FGF14: variants seen among roughly 807,000 people sequenced by gnomAD.
The protein encoded by FGF14 is fibroblast growth factor homologous factor 4.
A neutral mutation model predicts 25.5 loss-of-function variants in FGF14; 5 were observed. The observed-to-expected ratio is 0.20, with a 90% CI of 0.10 to 0.41. The LOEUF (loss-of-function observed/expected upper bound fraction) is 0.41, where lower values mean the gene tolerates loss of function less well. Ranked by LOEUF, FGF14 falls within the 10% of genes least tolerant of loss-of-function variation. The probability of loss-of-function intolerance (pLI) is 1.00; values close to 1 mark genes in which losing one functional copy is unlikely to be tolerated. For missense variants in FGF14, 222 were observed against 320.1 expected (o/e 0.69, Z 2.34); for synonymous variants, 138 against 118.3 (o/e 1.17, Z -1.08).
intron 1 of FGF14, among the ~76,000 whole-genome samples, chr13:102,054,934 C>T (rs1024712258): frequency 2.0e-5 from 3 of 152,196 alleles, no homozygotes; most frequent in Non-Finnish European, 4.4e-5. Context: ...ACAGCCATGC[C>T]TTCATTTCTG....
At chr13:102,252,421 T>C (rs2052224935) in intron 1 of FGF14, among the ~76,000 whole-genome samples, 1 of 152,144 alleles carries the variant, frequency 6.6e-6, no homozygotes, top group Non-Finnish European at 1.5e-5. Context: ...TTTCATGAAA[T>C]ATAGCCGTAC....
chr13:102,229,857 T>G (rs1453563471), intron 1 of FGF14, among the ~76,000 whole-genome samples: 2 of 152,132 alleles, frequency 1.3e-5, no homozygotes, highest in Admixed American at 6.6e-5. Flanking sequence ...AGATCAGAGG[T>G]GAACTTAGGG....
chr13:102,334,007 G>A (rs1011741008), intron 1 of FGF14, among the ~76,000 whole-genome samples: 1 of 152,144 alleles, frequency 6.6e-6, no homozygotes, highest in Non-Finnish European at 1.5e-5. Flanking sequence ...GGCATGCCTG[G>A]TAGTCATGGG....
chr13:101,742,951 G>A (rs1209802017), intron 3 of FGF14, among the ~76,000 whole-genome samples: 1 of 152,126 alleles, frequency 6.6e-6, no homozygotes, highest in Non-Finnish European at 1.5e-5. Flanking sequence ...GACTATTTCT[G>A]TAAATTGTGC....
At chr13:101,828,365 C>T (rs544415460) in intron 3 of FGF14, among the ~76,000 whole-genome samples, 1 of 152,066 alleles carries the variant, frequency 6.6e-6, no homozygotes, top group South Asian at 2.1e-4. Context: ...CTCCAAGTCA[C>T]TTAAAATGAA....
intron 1 of FGF14, among the ~76,000 whole-genome samples, chr13:102,356,928 C>CATATATATATATATAT (rs3066054): frequency 1.3e-4 from 19 of 142,012 alleles, no homozygotes; most frequent in African/African-American, 4.9e-4. Flanking sequence ...CTATAAAATG[C>CATATATATATATATAT]ATATATATAT....
At chr13:102,060,337 A>G (rs1434532065) in intron 1 of FGF14, among the ~76,000 whole-genome samples, 1 of 152,062 alleles carries the variant, frequency 6.6e-6, no homozygotes, top group Non-Finnish European at 1.5e-5. Flanking sequence ...CATCCTGGCT[A>G]ACACAGTGAA....
intron 1 of FGF14, among the ~76,000 whole-genome samples, chr13:102,217,395 C>G (rs778607239): frequency 6.6e-6 from 1 of 152,128 alleles, no homozygotes; most frequent in Non-Finnish European, 1.5e-5. Context: ...CATTTCTGTT[C>G]TAAAGAAAAC....
chr13:102,348,669 T>C (rs1472610998), intron 1 of FGF14, among the ~76,000 whole-genome samples: 2 of 152,150 alleles, frequency 1.3e-5, no homozygotes, highest in East Asian at 3.9e-4. Flanking sequence ...CAGCATCACC[T>C]AGAAACCACA....
rs186647335 is a variant in FGF14 at position 102,015,064 on chromosome 13, C to T, written c.209-139768G>A. 1.9e-3 allele frequency among the ~76,000 whole-genome samples: 292 copies of T among 152,270 alleles called. 1 individual carries two copies. The highest frequency in any genetic ancestry group is 7.7e-3 in the South Asian group (37 of 4,828). On this transcript the variant is annotated intron_variant, in intron 1 of 4. Transcript: ENST00000376131. ...CTGGGATTACAGGCCTGTGCCACAA[C>T]GCCTGGCTAATTTTTGTATTCTTAG...
At chr13:102,176,868 T>TG (rs397712332) in intron 1 of FGF14, among the ~76,000 whole-genome samples, 5 of 144,184 alleles carry the variant, frequency 3.5e-5, no homozygotes, top group Admixed American at 2.8e-4. Flanking sequence ...GTGGTTTTTT[T>TG]GTATGTCAAT....
intron 1 of FGF14, among the ~76,000 whole-genome samples, chr13:102,106,688 T>G (rs558828400): frequency 1.3e-5 from 2 of 152,204 alleles, no homozygotes; most frequent in Non-Finnish European, 2.9e-5. Context: ...CCAAAGGACA[T>G]GATCACAAGG....
intron 1 of FGF14, among the ~76,000 whole-genome samples, chr13:102,146,147 G>A (rs2046844735): frequency 6.6e-6 from 1 of 152,180 alleles, no homozygotes; most frequent in Admixed American, 6.5e-5. Flanking sequence ...ATGACTATCA[G>A]TGTCAGTTGG....
chr13:102,244,019 T>C (rs1594556710), intron 1 of FGF14, among the ~76,000 whole-genome samples: 1 of 152,070 alleles, frequency 6.6e-6, no homozygotes, highest in African/African-American at 2.4e-5. Flanking sequence ...CTTTTCCTAA[T>C]GTAGAAGCCC....
chr13:102,280,535 T>A (rs940407171), intron 1 of FGF14, among the ~76,000 whole-genome samples: 1 of 152,086 alleles, frequency 6.6e-6, no homozygotes, highest in Non-Finnish European at 1.5e-5. Context: ...GGATGTTTGA[T>A]CATGTGGAAA....
At chr13:101,782,849 A>C (rs1212070873) in intron 3 of FGF14, among the ~76,000 whole-genome samples, 1 of 152,164 alleles carries the variant, frequency 6.6e-6, no homozygotes, top group Non-Finnish European at 1.5e-5. Context: ...CAATGAATAT[A>C]CACTTGCATG....
At chr13:101,750,902 G>T (rs1432572514) in intron 3 of FGF14, among the ~76,000 whole-genome samples, 1 of 152,090 alleles carries the variant, frequency 6.6e-6, no homozygotes, top group African/African-American at 2.4e-5. Context: ...AACCTTAAAT[G>T]CATATTACTA....
At chr13:101,863,632 G>C (rs960380587) in intron 3 of FGF14, among the ~76,000 whole-genome samples, 5 of 152,072 alleles carry the variant, frequency 3.3e-5, no homozygotes, top group African/African-American at 4.8e-5. Flanking sequence ...TTACAGGTGA[G>C]GGACATGTAT....
chr13:102,126,618 A>AT (rs902361603), intron 1 of FGF14, among the ~76,000 whole-genome samples: 2 of 152,130 alleles, frequency 1.3e-5, no homozygotes, highest in Admixed American at 6.6e-5. Flanking sequence ...GTAATTTCAT[A>AT]TTTTTTTGAG....
Sources: gnomAD v4.1 joint callset for allele counts (sites outside exome capture counted in the v4.1 genomes callset) on GRCh38, gnomAD v4.1.1 for gene constraint, MANE v1.5 for transcripts, NCBI Gene and HGNC (gene_info 2026-07-23, HGNC 2026-07-21) for gene names.